HTR2A: variants seen among roughly 807,000 people sequenced by gnomAD.
The protein encoded by HTR2A is 5-HT2 receptor.
Under a neutral mutation model 31.0 loss-of-function variants are expected in HTR2A, and 14 were observed. The ratio of observed to expected loss-of-function variants is 0.45; its 90% CI spans 0.30 to 0.71. The LOEUF is 0.71. Among genes scored for constraint, HTR2A ranks in the 30% least tolerant of loss-of-function variants. HTR2A has a pLI of 0.09. For synonymous variants in HTR2A, 209 were observed against 225.2 expected (o/e 0.93, Z 0.64); for missense variants, 442 against 573.3 (o/e 0.77, Z 2.34).
At chr13:46,843,067 C>T (rs1440771069) in intron 3 of HTR2A, among the ~76,000 whole-genome samples, 1 of 152,206 alleles carries the variant, frequency 6.6e-6, no homozygotes, top group Non-Finnish European at 1.5e-5. Flanking sequence ...ACAGTGGATC[C>T]ATGCTGCAGA....
intron 3 of HTR2A, among the ~76,000 whole-genome samples, chr13:46,859,900 C>A (rs1950767340): frequency 6.6e-6 from 1 of 152,168 alleles, no homozygotes. Context: ...CCTATCATCA[C>A]CATCCTATAA....
chr13:46,841,852 A>G (rs754243751), intron 3 of HTR2A, among the ~76,000 whole-genome samples: 25 of 151,696 alleles, frequency 1.6e-4, no homozygotes, highest in Middle Eastern at 3.4e-3. Flanking sequence ...CTCTTGTCTC[A>G]GAGAAGATTG....
At chr13:46,866,607 G>C (rs1950820127) in intron 3 of HTR2A, among the ~76,000 whole-genome samples, 1 of 152,156 alleles carries the variant, frequency 6.6e-6, no homozygotes. Flanking sequence ...ATTGAGTTAG[G>C]TACTGTGTTA....
chr13:46,892,166 T>C (rs1951058395), intron 3 of HTR2A, among the ~76,000 whole-genome samples: 1 of 152,240 alleles, frequency 6.6e-6, no homozygotes, highest in African/African-American at 2.4e-5. Flanking sequence ...CTGTTTATAG[T>C]TTTGCCTGTG....
intron 3 of HTR2A, among the ~76,000 whole-genome samples, chr13:46,884,703 T>C (rs1343561899): frequency 6.6e-6 from 1 of 152,066 alleles, no homozygotes; most frequent in East Asian, 1.9e-4. Flanking sequence ...GACAAAACTA[T>C]ACAGAAATGC....
intron 3 of HTR2A, among the ~76,000 whole-genome samples, chr13:46,861,837 G>C (rs1309215045): frequency 6.6e-6 from 1 of 152,136 alleles, no homozygotes; most frequent in East Asian, 1.9e-4. Context: ...GGCTTAACTA[G>C]TATTTATTGC....
rs527514703 is a variant in HTR2A, at chr13:46,891,020, T to C, written c.613+1370A>G. Among the ~76,000 whole-genome samples, 3 of 152,326 alleles carry C rather than the reference T, an allele frequency of 2.0e-5. No homozygotes were observed. In the South Asian group the frequency reaches 6.2e-4, roughly 32 times the overall value. Reference sequence around the variant, plus strand: ...AGTCCCAGAAACTACAAGCATTTTCTAGGAGCAAAAACTGTTTCCTAAGGA... The same window carrying C: ...AGTCCCAGAAACTACAAGCATTTTCCAGGAGCAAAAACTGTTTCCTAAGGA... On this transcript the variant is annotated intron_variant, in intron 3 of 3. Transcript: ENST00000542664.
At chr13:46,847,226 G>A (rs1950649501) in intron 3 of HTR2A, among the ~76,000 whole-genome samples, 1 of 152,194 alleles carries the variant, frequency 6.6e-6, no homozygotes, top group African/African-American at 2.4e-5. Flanking sequence ...GAGCGGGGGT[G>A]CCTCTTTCAA....
At chr13:46,857,712 CAAATG>C (rs1256427330) in intron 3 of HTR2A, among the ~76,000 whole-genome samples, 1 of 152,078 alleles carries the variant, frequency 6.6e-6, no homozygotes, top group East Asian at 1.9e-4. Flanking sequence ...CTTATTCAGA[CAAATG>C]AAATAAATGC....
At chr13:46,864,440 G>A (rs1012197548) in intron 3 of HTR2A, among the ~76,000 whole-genome samples, 6 of 152,004 alleles carry the variant, frequency 3.9e-5, no homozygotes, top group Admixed American at 2.0e-4. Flanking sequence ...TTCTTTCTTT[G>A]GCTCTTTGAG....
chr13:46,875,754 A>G (rs1464947803), intron 3 of HTR2A, among the ~76,000 whole-genome samples: 2 of 152,214 alleles, frequency 1.3e-5, no homozygotes, highest in Non-Finnish European at 2.9e-5. Flanking sequence ...GGTTTTGAAA[A>G]TGTTTCCGAT....
chr13:46,846,082 T>C (rs935571432), intron 3 of HTR2A, among the ~76,000 whole-genome samples: 6 of 152,142 alleles, frequency 3.9e-5, no homozygotes, highest in African/African-American at 1.4e-4. Flanking sequence ...CAGAATATGT[T>C]TGGAAAGCCA....
chr13:46,867,415 C>T (rs539673280), intron 3 of HTR2A, among the ~76,000 whole-genome samples: 1 of 152,300 alleles, frequency 6.6e-6, no homozygotes, highest in African/African-American at 2.4e-5. Flanking sequence ...GGATCATTTT[C>T]AATTTGAATC....
chr13:46,854,875 T>C (rs926805007), intron 3 of HTR2A, among the ~76,000 whole-genome samples: 1 of 152,212 alleles, frequency 6.6e-6, no homozygotes, highest in Non-Finnish European at 1.5e-5. Context: ...GGAAATAGAT[T>C]CTTTTGTAGA....
chr13:46,850,677 C>T (rs1745837), intron 3 of HTR2A, among the ~76,000 whole-genome samples: 111,787 of 152,038 alleles, frequency 0.74, 42,453 homozygotes, highest in African/African-American at 0.94. Flanking sequence ...TGAAATCTTT[C>T]TGTGGGGACA....
At chr13:46,881,796 G>A (rs2138241096) in intron 3 of HTR2A, among the ~76,000 whole-genome samples, 1 of 152,292 alleles carries the variant, frequency 6.6e-6, no homozygotes, top group East Asian at 1.9e-4. Flanking sequence ...CAGATAGTTT[G>A]TTTCAGGCTG....
intron 3 of HTR2A, among the ~76,000 whole-genome samples, chr13:46,884,277 A>G (rs1430994146): frequency 1.3e-5 from 2 of 152,232 alleles, no homozygotes; most frequent in Admixed American, 6.5e-5. Context: ...TGAATTTTCC[A>G]TTTAACAATT....
intron 3 of HTR2A, among the ~76,000 whole-genome samples, chr13:46,884,832 A>ATC (rs1343657434): frequency 6.6e-6 from 1 of 151,890 alleles, no homozygotes; most frequent in Non-Finnish European, 1.5e-5. Flanking sequence ...GTATACATAT[A>ATC]TATATATATC....
intron 3 of HTR2A, among the ~76,000 whole-genome samples, chr13:46,840,848 AT>A (rs1265551152): frequency 3.9e-5 from 6 of 152,190 alleles, no homozygotes; most frequent in African/African-American, 1.4e-4. Context: ...CTAGCCCCTA[AT>A]ATGACTAATA....
Sources: gnomAD v4.1 joint callset for allele counts (sites outside exome capture counted in the v4.1 genomes callset) on GRCh38, gnomAD v4.1.1 for gene constraint, MANE v1.5 for transcripts, NCBI Gene and HGNC (gene_info 2026-07-23, HGNC 2026-07-21) for gene names.